Variants in RIN3 observed in about 807,000 individuals in gnomAD.
The protein encoded by RIN3 is RAB5 interacting protein 3.
RIN3 carries 54 observed loss-of-function variants against 76.3 expected under a neutral mutation model. The observed-to-expected ratio is 0.71, with a 90% CI of 0.57 to 0.89. The LOEUF (loss-of-function observed/expected upper bound fraction) is 0.89. Among genes scored for constraint, RIN3 ranks in the 40% least tolerant of loss-of-function variants. RIN3 has a pLI of 0.00. For missense variants in RIN3, 1,256 were observed against 1,322.1 expected, an observed-to-expected ratio of 0.95 and a Z score of 0.78; for synonymous variants, 576 against 564.0, an observed-to-expected ratio of 1.02 and a Z score of -0.30.
intron 3 of RIN3, among the ~76,000 whole-genome samples, chr14:92,579,063 G>C (rs1360713060): frequency 1.3e-5 from 2 of 152,132 alleles, no homozygotes; most frequent in Non-Finnish European, 2.9e-5. Flanking sequence ...GAGTAGCTGG[G>C]ATTACAGGCA....
chr14:92,579,053 G>T (rs887150722), intron 3 of RIN3, among the ~76,000 whole-genome samples: 7 of 151,458 alleles, frequency 4.6e-5, no homozygotes, highest in Non-Finnish European at 1.0e-4. Context: ...TCAGCCTCCC[G>T]AGTAGCTGGG....
chr14:92,555,024 T>TA (rs1897539482), intron 1 of RIN3, among the ~76,000 whole-genome samples: 1 of 152,250 alleles, frequency 6.6e-6, no homozygotes, highest in African/African-American at 2.4e-5. Flanking sequence ...ATTTTGTGCT[T>TA]ACAGCACTTG....
rs1374796891 is a variant in RIN3 at position 92,514,971 on chromosome 14, T to TG, written c.44+998dup. ...ACCCTGCCGCTCCCTGGCTTGGCAGTGGGACCTCATCTCCCAGGCCCTCAG... is the reference window on the plus strand; with the variant it reads ...ACCCTGCCGCTCCCTGGCTTGGCAGTGGGGACCTCATCTCCCAGGCCCTCAG... On this transcript the variant is annotated intron_variant, in intron 1 of 9. Transcript: ENST00000216487. This position sits in a 1 kb window ranked among gnomAD's most constrained non-coding sequence, Gnocchi z 7.2. Among the ~76,000 whole-genome samples, 1 of 152,168 alleles carries TG rather than the reference T, an allele frequency of 6.6e-6. No individual in the cohort carries two copies. Among genetic ancestry groups the TG allele is most frequent in the East Asian group, 1.9e-4 (1 of 5,180 alleles).
chr14:92,538,309 T>G (rs1379364548), intron 1 of RIN3, among the ~76,000 whole-genome samples: 1 of 152,254 alleles, frequency 6.6e-6, no homozygotes, highest in African/African-American at 2.4e-5. Context: ...ATTCCATTGT[T>G]TGTATGAGGC....
chr14:92,604,601 CG>C (rs1885459554), intron 3 of RIN3, among the ~76,000 whole-genome samples: 1 of 152,036 alleles, frequency 6.6e-6, no homozygotes, highest in Non-Finnish European at 1.5e-5. Flanking sequence ...CTTGTGTCCC[CG>C]ATAACAATTT....
chr14:92,549,774 A>G (rs1347287498), intron 1 of RIN3, among the ~76,000 whole-genome samples: 1 of 152,242 alleles, frequency 6.6e-6, no homozygotes, highest in Non-Finnish European at 1.5e-5. Flanking sequence ...GGCGGCAGCC[A>G]TAGGATCAGA....
At chr14:92,622,035 A>G (rs1886201034) in intron 4 of RIN3, among the ~76,000 whole-genome samples, 1 of 152,240 alleles carries the variant, frequency 6.6e-6, no homozygotes, top group Non-Finnish European at 1.5e-5. Context: ...GGCATCACAC[A>G]TTAACCAGGC....
chr14:92,674,985 AGT>A (rs1162878741), intron 7 of RIN3, among the ~76,000 whole-genome samples: 2 of 152,024 alleles, frequency 1.3e-5, no homozygotes, highest in Admixed American at 1.3e-4. Flanking sequence ...GACCATCATG[AGT>A]CAAACATCCA....
In RIN3 at chr14:92,685,679, C is replaced by T. The variant is rs1888828417; in HGVS notation, c.2631+529C>T. 1 of 152,086 alleles carries T rather than the reference C, an allele frequency of 6.6e-6. No individual in the cohort carries two copies. Among genetic ancestry groups the T allele is most frequent in the South Asian group, 2.1e-4 (1 of 4,814 alleles). The allele number at this position is 152,086 out of a possible 1,614,324, so 9.4% of individuals were successfully genotyped here. A position where few individuals can be genotyped will look rare whatever the true frequency, so the allele number is the denominator to read the frequency against. On this transcript the variant is annotated intron_variant, in intron 9 of 9. Transcript: ENST00000216487. This position sits in a 1 kb window ranked among gnomAD's most constrained non-coding sequence, Gnocchi z 4.7. ...CCCCAACTCCATCACCCCACCCACCCCCAGGCTGCATCAAATCCAGCTGCC... is the reference window on the plus strand; with the variant it reads ...CCCCAACTCCATCACCCCACCCACCTCCAGGCTGCATCAAATCCAGCTGCC...
chr14:92,586,122 C>A (rs10136857), intron 3 of RIN3, among the ~76,000 whole-genome samples: 151,957 of 152,366 alleles, frequency 1, 75,775 homozygotes, highest in Middle Eastern at 1. Context: ...ATGATGAGCA[C>A]ATCAATCGGT....
At chr14:92,653,444 C>A (rs530226061) in intron 6 of RIN3, among the ~76,000 whole-genome samples, 59 of 152,280 alleles carry the variant, frequency 3.9e-4, no homozygotes, top group African/African-American at 1.4e-3. Context: ...CTGGCTGAGG[C>A]TGAGTTCATC....
At chr14:92,547,053 A>G (rs1456342963) in intron 1 of RIN3, among the ~76,000 whole-genome samples, 1 of 125,510 alleles carries the variant, frequency 8.0e-6, no homozygotes, top group Non-Finnish European at 1.8e-5. Flanking sequence ...TTATTATAAT[A>G]AAATAAATTA....
intron 7 of RIN3, among the ~76,000 whole-genome samples, chr14:92,664,133 C>T (rs1460489735): frequency 6.6e-6 from 1 of 152,192 alleles, no homozygotes; most frequent in Non-Finnish European, 1.5e-5. Flanking sequence ...GGTCAAAAGA[C>T]AAGCTGGTCC....
Position 92,514,573 on chromosome 14 carries a change from G to T in RIN3, c.44+597G>T, listed in dbSNP as rs1272452395. Among the ~76,000 whole-genome samples, 1 of 152,258 alleles carries T rather than the reference G, an allele frequency of 6.6e-6. No individual in the cohort carries two copies. Among genetic ancestry groups the T allele is most frequent in the Admixed American group, 6.5e-5 (1 of 15,294 alleles). On this transcript the variant is annotated intron_variant, in intron 1 of 9. Coordinates refer to ENST00000216487, the MANE Select transcript of RIN3 (RefSeq NM_024832.5). This position sits in a 1 kb window ranked among gnomAD's most constrained non-coding sequence, Gnocchi z 7.2. Reference sequence around the variant, plus strand: ...GCCGTAGACGGTGACCTTCGGACCGGCCCTGGTCGAGCCTAGTGCTTGGGT... The same window carrying T: ...GCCGTAGACGGTGACCTTCGGACCGTCCCTGGTCGAGCCTAGTGCTTGGGT...
chr14:92,662,366 C>T (rs1887919304), intron 7 of RIN3, among the ~76,000 whole-genome samples: 2 of 152,248 alleles, frequency 1.3e-5, no homozygotes, highest in Non-Finnish European at 2.9e-5. Context: ...GGAGAGCAGG[C>T]AGGCTGGCCC....
At chr14:92,517,166 T>C (rs1896465467) in intron 1 of RIN3, among the ~76,000 whole-genome samples, 1 of 152,100 alleles carries the variant, frequency 6.6e-6, no homozygotes, top group African/African-American at 2.4e-5. Context: ...GTGAGCACCA[T>C]TGGGTGGGCA....
intron 3 of RIN3, among the ~76,000 whole-genome samples, chr14:92,603,263 A>G (rs12590978): frequency 0.096 from 14,582 of 152,238 alleles, 1,021 homozygotes; most frequent in East Asian, 0.32. Flanking sequence ...ACAGCCAGCA[A>G]AAGAGAAAGG....
intron 1 of RIN3, among the ~76,000 whole-genome samples, chr14:92,524,598 T>G (rs973069449): frequency 1.3e-5 from 2 of 152,220 alleles, no homozygotes; most frequent in African/African-American, 2.4e-5. Flanking sequence ...CTGGAGGAGC[T>G]GGGCCAGAGC....
chr14:92,674,582 C>T (rs553871060), intron 7 of RIN3, among the ~76,000 whole-genome samples: 1 of 151,934 alleles, frequency 6.6e-6, no homozygotes, highest in African/African-American at 2.4e-5. Flanking sequence ...CCAGCCTGGG[C>T]GACAGAGTGA....
Sources: allele counts gnomAD v4.1 joint callset (sites outside exome capture counted in the v4.1 genomes callset), GRCh38; gene constraint gnomAD v4.1.1; non-coding constraint Gnocchi (gnomAD v3.1); transcripts MANE v1.5; gene names NCBI Gene and HGNC (gene_info 2026-07-23, HGNC 2026-07-21).